Variants in NPHP4 observed in about 807,000 individuals in gnomAD.
NPHP4 encodes nephrocystin-4.
A neutral mutation model predicts 155.8 loss-of-function variants in NPHP4; 151 were observed. That is an observed-to-expected ratio of 0.97 (90% confidence interval 0.85 to 1.11). The LOEUF (loss-of-function observed/expected upper bound fraction) is 1.11, where lower values mean the gene tolerates loss of function less well. Ranked by LOEUF, NPHP4 falls within the 50% of genes least tolerant of loss-of-function variation. The pLI is 0.00. For synonymous variants in NPHP4, 845 were observed against 816.8 expected, an observed-to-expected ratio of 1.03 and a Z score of -0.59; for missense variants, 1,956 against 1,925.7, an observed-to-expected ratio of 1.02 and a Z score of -0.29.
At chr1:5,909,805 T>A (rs1256848797) in intron 11 of NPHP4, among the ~76,000 whole-genome samples, 1 of 152,124 alleles carries the variant, frequency 6.6e-6, no homozygotes, top group Non-Finnish European at 1.5e-5. Context: ...AGAACTGCCT[T>A]GGCCCTTTAT....
intron 16 of NPHP4, among the ~76,000 whole-genome samples, chr1:5,893,748 C>A (rs1234055788): frequency 6.6e-6 from 1 of 152,224 alleles, no homozygotes; most frequent in African/African-American, 2.4e-5. Flanking sequence ...GACTCCCTTT[C>A]CCGGTCTGCT....
chr1:5,866,837 T>G (rs897102493), intron 25 of NPHP4, among the ~76,000 whole-genome samples, 193 bp downstream of exon 25: 1 of 152,186 alleles, frequency 6.6e-6, no homozygotes. Context: ...GCTGATCTGC[T>G]AGTAGAAAAA....
chr1:5,959,014 C>T, intron 6 of NPHP4, among the ~76,000 whole-genome samples: 1 of 148,826 alleles, frequency 6.7e-6, no homozygotes, highest in Non-Finnish European at 1.5e-5. Context: ...GTGTTTCTCT[C>T]CCAAAACAAC....
intron 9 of NPHP4, 52 bp downstream of exon 9, chr1:5,947,050 TCA>T (rs1043540480): frequency 6.9e-6 from 11 of 1,604,770 alleles, no homozygotes; most frequent in Middle Eastern, 1.7e-4. Context: ...ACATTTATCC[TCA>T]CACACAGAGT....
intron 1 of NPHP4, among the ~76,000 whole-genome samples, chr1:5,988,779 ACCCAGACGCTGCATCCTTGG>A (rs1183234270): frequency 2.0e-5 from 3 of 151,090 alleles, no homozygotes; most frequent in Non-Finnish European, 4.4e-5. Context: ...CCCACAGTGC[ACCCAGACGCTGCATCCTTGG>A]CCCAGGGTCC....
intron 9 of NPHP4, among the ~76,000 whole-genome samples, chr1:5,945,452 T>C (rs1647040618): frequency 6.6e-6 from 1 of 152,180 alleles, no homozygotes; most frequent in African/African-American, 2.4e-5. Context: ...TGTGACTGTG[T>C]CAGTCCACAG....
chr1:5,934,463 AC>A (rs1305311437), intron 9 of NPHP4, among the ~76,000 whole-genome samples: 1 of 151,800 alleles, frequency 6.6e-6, no homozygotes, highest in Non-Finnish European at 1.5e-5. Context: ...AGGAGAAACA[AC>A]CCCCAAGCAG....
At chr1:5,873,463 A>C (rs1642223333) in intron 22 of NPHP4, 128 bp from the exon 23 acceptor site, 1 of 734,494 alleles carries the variant, frequency 1.4e-6, no homozygotes, top group Admixed American at 2.4e-5. Context: ...CTCTCCAGGC[A>C]GCAACCATCA....
intron 2 of NPHP4, among the ~76,000 whole-genome samples, chr1:5,979,857 G>C (rs1427186725): frequency 6.6e-6 from 1 of 152,050 alleles, no homozygotes; most frequent in Non-Finnish European, 1.5e-5. Flanking sequence ...TGGCATCTGG[G>C]GCCTCAGTGA....
chr1:5,884,110 G>A (rs1643555330), intron 18 of NPHP4, among the ~76,000 whole-genome samples: 2 of 152,206 alleles, frequency 1.3e-5, no homozygotes, highest in Non-Finnish European at 2.9e-5. Flanking sequence ...TTTCATCAGG[G>A]CACAACTTGG....
intron 10 of NPHP4, among the ~76,000 whole-genome samples, chr1:5,928,525 T>C (rs1401819044): frequency 6.6e-6 from 1 of 152,020 alleles, no homozygotes; most frequent in Non-Finnish European, 1.5e-5. Context: ...ACACATATGT[T>C]TGTGTGAATA....
intron 9 of NPHP4, among the ~76,000 whole-genome samples, chr1:5,945,288 C>A (rs1016508074): frequency 6.6e-6 from 1 of 152,076 alleles, no homozygotes; most frequent in Non-Finnish European, 1.5e-5. Flanking sequence ...CCTCCGCTCA[C>A]TCCCCAGCCT....
chr1:5,873,352 G>C lies in NPHP4; in HGVS notation c.3232-17C>G. 1 of 1,607,806 alleles carries C rather than the reference G, an allele frequency of 6.2e-7. No individual in the cohort carries two copies. Among genetic ancestry groups the C allele is most frequent in the Non-Finnish European group, 8.5e-7 (1 of 1,174,298 alleles). On this transcript the variant is annotated splice_polypyrimidine_tract_variant and intron_variant, in intron 22 of 29. Transcript: ENST00000378156. The stretch of plus-strand genomic sequence containing the variant: ...AGGAGAGGCCTGCAGGAACCGAACA[G>C]CACAAGCAGGTCAGGAAGCAACACC...
intron 27 of NPHP4, 188 bp from the exon 28 acceptor site, chr1:5,864,705 T>A (rs1439654024): frequency 7.3e-6 from 4 of 550,710 alleles, no homozygotes; most frequent in Non-Finnish European, 1.3e-5. Context: ...ACCAGGCAAG[T>A]CCCTCCTCTC....
intron 12 of NPHP4, among the ~76,000 whole-genome samples, chr1:5,908,123 G>A (rs1232345105): frequency 1.3e-5 from 2 of 152,216 alleles, no homozygotes; most frequent in South Asian, 4.1e-4. Context: ...GGGGCGGGGT[G>A]CATGAAGCAT....
intron 6 of NPHP4, among the ~76,000 whole-genome samples, chr1:5,958,246 G>A (rs956844173): frequency 3.3e-5 from 5 of 152,218 alleles, no homozygotes; most frequent in African/African-American, 1.2e-4. Flanking sequence ...AGGAACAGCC[G>A]TCAGAAAGCA....
chr1:5,869,114 TGCACACACGC>T (rs1319940023), intron 23 of NPHP4, among the ~76,000 whole-genome samples: 1 of 118,004 alleles, frequency 8.5e-6, no homozygotes, highest in Non-Finnish European at 1.8e-5. Flanking sequence ...TGCACCCACA[TGCACACACGC>T]ACAATGCACA....
In NPHP4 at chr1:5,905,690, G is replaced by A. The variant is rs113413307; in HGVS notation, c.1705C>T (p.Gln569Ter). 6.2e-7 allele frequency: 1 copy of A among 1,613,934 alleles called. No individual in the cohort carries two copies. Among genetic ancestry groups the A allele is most frequent in the Non-Finnish European group, 8.5e-7 (1 of 1,179,846 alleles). ...VLETSIAEQLQELPFTPLHAP... is the reference protein window; with the variant it reads ...VLETSIAEQL ...TGCAAAGGCGTGAACGGCAGCTCCT[G>A]TAACTGTTCGGCAATGGATGTTTCC... is the stretch of plus-strand genomic sequence containing the variant. The change falls in exon 14 of 30, where the codon CAG becomes TAG. Residue 569 changes from glutamine (Q) to a stop codon, truncating the protein, a stop_gained. Transcript: ENST00000378156. LOFTEE classifies it high-confidence loss of function. This position sits in a 1 kb window ranked among gnomAD's most constrained non-coding sequence, Gnocchi z 4.0.
chr1:5,975,098 G>A (rs550138811), intron 3 of NPHP4, among the ~76,000 whole-genome samples: 8 of 152,242 alleles, frequency 5.3e-5, no homozygotes, highest in Admixed American at 1.3e-4. Flanking sequence ...GACAGGGTGC[G>A]AACATGCTGC....
Sources: allele counts gnomAD v4.1 joint callset (sites outside exome capture counted in the v4.1 genomes callset), GRCh38; gene constraint gnomAD v4.1.1; non-coding constraint Gnocchi (gnomAD v3.1); transcripts MANE v1.5; gene names NCBI Gene and HGNC (gene_info 2026-07-23, HGNC 2026-07-21).